The following ETF1 variants were observed in gnomAD, a reference collection of about 807,000 sequenced individuals.
The protein encoded by ETF1 is eukaryotic translation termination factor 1.
A neutral mutation model predicts 55.1 loss-of-function variants in ETF1; 4 were observed. That is an observed-to-expected ratio of 0.07 (90% CI 0.04 to 0.17). ETF1 has a LOEUF of 0.17. Ranked by LOEUF, ETF1 falls within the 10% of genes least tolerant of loss-of-function variation. The probability of loss-of-function intolerance (pLI) is 1.00; values close to 1 mark genes in which losing one functional copy is unlikely to be tolerated. For missense variants in ETF1, 142 were observed against 523.6 expected (o/e 0.27, Z 7.11); for synonymous variants, 157 against 182.3 (o/e 0.86, Z 1.12).
At chr5:138,542,797 C>G in intron 2 of ETF1, 36 bp downstream of exon 2, 8 of 1,609,022 alleles carry the variant, frequency 5.0e-6, no homozygotes, top group South Asian at 1.1e-5. Context: ...GTCCGGGAAC[C>G]AAGAGGGCAC....
intron 6 of ETF1, among the ~76,000 whole-genome samples, chr5:138,512,490 T>C (rs1764859943): frequency 6.6e-6 from 1 of 151,760 alleles, no homozygotes; most frequent in Admixed American, 6.6e-5. Flanking sequence ...TCAAACTCCA[T>C]TCTACAGCCA....
intron 4 of ETF1, 46 bp downstream of exon 4, chr5:138,517,515 G>T: frequency 7.7e-7 from 1 of 1,300,202 alleles, no homozygotes; most frequent in Non-Finnish European, 1.1e-6. Context: ...TGGGTACGGG[G>T]AAAGAATTCT....
At chr5:138,522,105 G>GT (rs932261743) in intron 2 of ETF1, among the ~76,000 whole-genome samples, 20 of 116,422 alleles carry the variant, frequency 1.7e-4, no homozygotes, top group East Asian at 4.1e-4. Context: ...CTTGTTTTTT[G>GT]TTTTTTTGGT....
intron 2 of ETF1, among the ~76,000 whole-genome samples, chr5:138,536,522 AC>A (rs1765939272): frequency 6.6e-6 from 1 of 152,144 alleles, no homozygotes; most frequent in South Asian, 2.1e-4. Flanking sequence ...AAAAGCCTGA[AC>A]CTTCCTAATT....
intron 6 of ETF1, among the ~76,000 whole-genome samples, chr5:138,512,452 T>G (rs1764858858): frequency 6.6e-6 from 1 of 150,904 alleles, no homozygotes. Flanking sequence ...AAAAAGAAAA[T>G]AAGGAACAGG....
chr5:138,526,704 T>G (rs1580704979), intron 2 of ETF1, among the ~76,000 whole-genome samples: 1 of 151,864 alleles, frequency 6.6e-6, no homozygotes, highest in East Asian at 1.9e-4. Flanking sequence ...GCCCAACAGC[T>G]ATTGTTTTTT....
chr5:138,513,219 C>T (rs1412825427), intron 5 of ETF1: 2 of 984,850 alleles, frequency 2.0e-6, no homozygotes, highest in African/African-American at 3.5e-5. Context: ...ACTCCCCTCA[C>T]ATCATACTGT....
chr5:138,522,262 T>C (rs933340915), intron 2 of ETF1, among the ~76,000 whole-genome samples: 3 of 152,120 alleles, frequency 2.0e-5, no homozygotes, highest in African/African-American at 4.8e-5. Flanking sequence ...TTAAGATTTA[T>C]GTAAAGAATA....
chr5:138,519,827 C>G (rs1765164361), intron 2 of ETF1, among the ~76,000 whole-genome samples: 1 of 152,082 alleles, frequency 6.6e-6, no homozygotes, highest in Admixed American at 6.6e-5. Flanking sequence ...GGACCAAAAT[C>G]TGACCTATGG....
At chr5:138,511,634 T>C (rs774553109) in intron 6 of ETF1, 30 bp from the exon 7 acceptor site, 2 of 1,558,426 alleles carry the variant, frequency 1.3e-6, no homozygotes, top group Non-Finnish European at 1.7e-6. Flanking sequence ...TTATTAGTAC[T>C]TACTGGTACT....
chr5:138,510,478 C>T, intron 9 of ETF1, 87 bp downstream of exon 9: 1 of 961,750 alleles, frequency 1.0e-6, no homozygotes, highest in South Asian at 1.4e-5. Flanking sequence ...GGTTTGGTTT[C>T]CCAAAGCTCA....
At position 138,508,372 on chromosome 5, in the gene ETF1, C is replaced by T. The variant is rs1764633987; in HGVS notation, c.1247G>A (p.Arg416Gln). 1.9e-6 allele frequency: 3 copies of T among 1,613,910 alleles called. No homozygotes were observed. The highest frequency in any genetic ancestry group is 2.5e-6 in the Non-Finnish European group (3 of 1,179,966). The change falls in exon 11 of 11, where the codon CGA becomes CAA. Residue 416 changes from arginine (R) to glutamine (Q), a missense_variant. This residue lies in a region of ETF1 where 82 missense variants were observed against 232.9 expected (regional missense o/e 0.35). Transcript: ENST00000360541. ...GTATTCCATTCCCTGGAAATCTACT[C>T]GGTACCGCAAGATACCTGGGGAAAC... ...FGGIGGILRY[R>Q]VDFQGMEYQG...
At chr5:138,509,224 G>A (rs1175356229) in intron 9 of ETF1, 1 of 974,648 alleles carries the variant, frequency 1.0e-6, no homozygotes, top group African/African-American at 1.8e-5. Flanking sequence ...AGAATTTGAG[G>A]AAGCTATCAT....
chr5:138,529,540 CAA>C, intron 2 of ETF1: 1 of 969,262 alleles, frequency 1.0e-6, no homozygotes, highest in Non-Finnish European at 1.2e-6. Context: ...CTGGGCAAAA[CAA>C]GAGACAACAT....
At chr5:138,526,850 G>A (rs962889360) in intron 2 of ETF1, among the ~76,000 whole-genome samples, 9 of 152,172 alleles carry the variant, frequency 5.9e-5, no homozygotes, top group African/African-American at 2.2e-4. Context: ...ACAGGCGCAT[G>A]CAACCACACC....
chr5:138,512,119 A>G (rs1764807939), intron 6 of ETF1: 1 of 139,880 alleles, frequency 7.1e-6, no homozygotes, highest in East Asian at 2.4e-4. Flanking sequence ...AGGATCACTT[A>G]AGCCTGGGAG....
At position 138,511,389 on chromosome 5, in the gene ETF1, TACAC is replaced by T. The variant is rs747982310; in HGVS notation, c.862+82_862+85del. ...TGTCTCATACATACAATCACGTACATACACACACACACATACACACACACACACA... is the reference window on the plus strand; with the variant it reads ...TGTCTCATACATACAATCACGTACATACACACACATACACACACACACACA... On this transcript the variant is annotated intron_variant, in intron 7 of 10. Transcript: ENST00000360541. 4.2e-6 allele frequency: 6 copies of T among 1,411,896 alleles called. No individual in the cohort carries two copies. The Admixed American group carries it at 7.1e-5, about 17-fold the overall frequency. 87.5% of individuals were successfully genotyped at this position (1,411,896 alleles called of 1,614,324 possible). A position where few individuals can be genotyped will look rare whatever the true frequency, so the allele number is the denominator to read the frequency against.
intron 2 of ETF1, among the ~76,000 whole-genome samples, chr5:138,537,831 T>C (rs1276485786): frequency 1.3e-5 from 2 of 151,826 alleles, no homozygotes; most frequent in Non-Finnish European, 2.9e-5. Flanking sequence ...CTGCCCACCT[T>C]GGCCTCCCAA....
At chr5:138,524,388 C>A (rs540761057) in intron 2 of ETF1, among the ~76,000 whole-genome samples, 10 of 151,494 alleles carry the variant, frequency 6.6e-5, no homozygotes, top group African/African-American at 2.4e-4. Flanking sequence ...TATAGTGAGA[C>A]CTGTCTCTAC....
Sources: allele counts gnomAD v4.1 joint callset (sites outside exome capture counted in the v4.1 genomes callset), GRCh38; gene constraint gnomAD v4.1.1; regional missense constraint gnomAD v4.1.1; transcripts MANE v1.5; gene names NCBI Gene and HGNC (gene_info 2026-07-23, HGNC 2026-07-21).